DNER: variants seen among roughly 807,000 people sequenced by gnomAD.
DNER encodes delta and Notch-like epidermal growth factor-related receptor.
Under a neutral mutation model 78.2 loss-of-function variants are expected in DNER, and 33 were observed. That is an observed-to-expected ratio of 0.42 (90% CI 0.32 to 0.56). DNER has a LOEUF of 0.56. DNER is among the 20% of genes least tolerant of loss of function. The pLI is 0.11. For synonymous variants in DNER, 417 were observed against 384.8 expected (o/e 1.08, Z -0.98); for missense variants, 918 against 975.3 (o/e 0.94, Z 0.78).
intron 6 of DNER, among the ~76,000 whole-genome samples, chr2:229,480,877 A>T (rs1404469951): frequency 6.6e-6 from 1 of 152,238 alleles, no homozygotes; most frequent in African/African-American, 2.4e-5. Context: ...GGAGAAAAAG[A>T]TTATGTGTAA....
chr2:229,700,748 A>C (rs1699732718), intron 1 of DNER, among the ~76,000 whole-genome samples: 1 of 151,240 alleles, frequency 6.6e-6, no homozygotes, highest in Non-Finnish European at 1.5e-5. Context: ...CCCCATCTCT[A>C]CTAAAAATAC....
chr2:229,520,050 A>G (rs1262232922), intron 5 of DNER, among the ~76,000 whole-genome samples: 1 of 152,204 alleles, frequency 6.6e-6, no homozygotes, highest in East Asian at 1.9e-4. Context: ...CAGACTTAGG[A>G]ACTTCAGGCA....
At chr2:229,666,262 A>G (rs553628524) in intron 1 of DNER, among the ~76,000 whole-genome samples, 25 of 152,318 alleles carry the variant, frequency 1.6e-4, no homozygotes, top group African/African-American at 5.8e-4. Context: ...GGTGGTCACC[A>G]TCACACGAGA....
chr2:229,582,813 G>C (rs916214719), intron 4 of DNER, among the ~76,000 whole-genome samples: 1 of 151,992 alleles, frequency 6.6e-6, no homozygotes, highest in African/African-American at 2.4e-5. Flanking sequence ...CTAATTTCTT[G>C]TATTTTTAGT....
At chr2:229,365,132 G>T (rs1692315034) in intron 12 of DNER, among the ~76,000 whole-genome samples, 1 of 152,140 alleles carries the variant, frequency 6.6e-6, no homozygotes, top group African/African-American at 2.4e-5. Context: ...CCTAGTAAAA[G>T]CTAAGTAGAA....
chr2:229,513,615 C>T (rs1200401216), intron 5 of DNER, among the ~76,000 whole-genome samples: 1 of 152,152 alleles, frequency 6.6e-6, no homozygotes, highest in African/African-American at 2.4e-5. Context: ...GGGTTTCTGT[C>T]CCCTTCTTAA....
intron 4 of DNER, among the ~76,000 whole-genome samples, chr2:229,584,644 G>A (rs546908630): frequency 3.3e-5 from 5 of 152,248 alleles, no homozygotes; most frequent in Admixed American, 6.5e-5. Flanking sequence ...ACGCCAAAGC[G>A]GAGGAATTAG....
chr2:229,595,470 C>T (rs368696412), intron 1 of DNER, among the ~76,000 whole-genome samples: 72 of 152,120 alleles, frequency 4.7e-4, no homozygotes, highest in Middle Eastern at 3.4e-3. Flanking sequence ...TTGTTAGAGA[C>T]GAGGTTTCAC....
intron 5 of DNER, among the ~76,000 whole-genome samples, chr2:229,542,998 G>A (rs1417450841): frequency 6.6e-6 from 1 of 152,032 alleles, no homozygotes; most frequent in Admixed American, 6.5e-5. Flanking sequence ...TAAATTCACT[G>A]AAGGGCAATA....
chr2:229,596,322 C>T (rs567265843), intron 1 of DNER, among the ~76,000 whole-genome samples: 1 of 152,192 alleles, frequency 6.6e-6, no homozygotes, highest in Non-Finnish European at 1.5e-5. Flanking sequence ...CAAGGCGGAG[C>T]CTTAAATGTC....
intron 1 of DNER, among the ~76,000 whole-genome samples, chr2:229,706,143 G>T (rs1294259592): frequency 2.0e-5 from 3 of 152,238 alleles, no homozygotes; most frequent in Admixed American, 2.0e-4. Context: ...AGGGAGAGGA[G>T]CCTTGGGCCA....
At chr2:229,362,919 C>T (rs536485170) in intron 12 of DNER, among the ~76,000 whole-genome samples, 17 of 152,256 alleles carry the variant, frequency 1.1e-4, no homozygotes, top group African/African-American at 3.6e-4. Flanking sequence ...AAAACAATGC[C>T]GCAGAAAGAA....
intron 5 of DNER, among the ~76,000 whole-genome samples, chr2:229,539,091 T>A (rs910292600): frequency 1.3e-5 from 2 of 152,186 alleles, no homozygotes; most frequent in Admixed American, 6.5e-5. Context: ...GTTTTGGTGC[T>A]GAAAAGGATG....
chr2:229,367,348 C>T (rs928544255), intron 11 of DNER, among the ~76,000 whole-genome samples: 1 of 152,162 alleles, frequency 6.6e-6, no homozygotes, highest in African/African-American at 2.4e-5. Flanking sequence ...CGGCTGTAAT[C>T]CCAGCACTTT....
In DNER at chr2:229,441,515, T is replaced by C. The variant is rs34526102; in HGVS notation, c.1486+5801A>G. Among the ~76,000 whole-genome samples, 1,421 of 152,118 alleles carry C rather than the reference T, an allele frequency of 9.3e-3. 12 individuals are homozygous for C. The highest frequency in any genetic ancestry group is 0.013 in the Non-Finnish European group (910 of 67,988). Reference sequence around the variant, plus strand: ...ACTCTGGTTAGGTTATTTGGGGAGATTTCACTCTAGAGTGAATGCTGGATG... The same window carrying C: ...ACTCTGGTTAGGTTATTTGGGGAGACTTCACTCTAGAGTGAATGCTGGATG... On this transcript the variant is annotated intron_variant, in intron 8 of 12. Coordinates refer to ENST00000341772, the MANE Select transcript of DNER (RefSeq NM_139072.4).
chr2:229,452,443 T>A (rs1694476744), intron 7 of DNER, among the ~76,000 whole-genome samples: 1 of 151,918 alleles, frequency 6.6e-6, no homozygotes, highest in African/African-American at 2.4e-5. Context: ...TCAGGTGTAA[T>A]ACAATAGGGA....
intron 12 of DNER, among the ~76,000 whole-genome samples, chr2:229,359,832 AATTT>A (rs1692173948): frequency 6.6e-6 from 1 of 152,166 alleles, no homozygotes; most frequent in African/African-American, 2.4e-5. Context: ...AATCCTCTCA[AATTT>A]TACTGGCCTT....
intron 6 of DNER, among the ~76,000 whole-genome samples, chr2:229,512,196 A>G (rs923557344): frequency 1.3e-4 from 20 of 152,250 alleles, no homozygotes; most frequent in Admixed American, 2.6e-4. Context: ...CAGCCTAGCC[A>G]ACATGATGAA....
chr2:229,691,693 TTAAATA>T (rs1283262545), intron 1 of DNER, among the ~76,000 whole-genome samples: 1 of 152,018 alleles, frequency 6.6e-6, no homozygotes, highest in African/African-American at 2.4e-5. Flanking sequence ...AAGAGACACT[TTAAATA>T]TAAGTATACA....
Sources: allele counts gnomAD v4.1 joint callset (sites outside exome capture counted in the v4.1 genomes callset), GRCh38; gene constraint gnomAD v4.1.1; transcripts MANE v1.5; gene names NCBI Gene and HGNC (gene_info 2026-07-23, HGNC 2026-07-21).